Variants in KCNIP4 observed in about 807,000 individuals in gnomAD.
KCNIP4 encodes the protein Kv channel-interacting protein 4.
KCNIP4 carries 12 observed loss-of-function variants against 34.0 expected under a neutral mutation model. The observed-to-expected ratio is 0.35, with a 90% CI of 0.23 to 0.57. KCNIP4 has a LOEUF of 0.57. Ranked by LOEUF, KCNIP4 falls within the 20% of genes least tolerant of loss-of-function variation. The pLI is 0.83. For synonymous variants in KCNIP4, 124 were observed against 102.2 expected, an observed-to-expected ratio of 1.21 and a Z score of -1.29; for missense variants, 238 against 311.7, an observed-to-expected ratio of 0.76 and a Z score of 1.78.
chr4:21,822,906 C>A (rs1012727723), intron 1 of KCNIP4, among the ~76,000 whole-genome samples: 18 of 151,674 alleles, frequency 1.2e-4, no homozygotes, highest in Non-Finnish European at 2.7e-4. Context: ...TTAGTAGAGA[C>A]AGGGGTTTCA....
At chr4:20,943,124 A>AT (rs5856588) in intron 1 of KCNIP4, among the ~76,000 whole-genome samples, 126,840 of 152,084 alleles carry the variant, frequency 0.83, 53,002 homozygotes, top group African/African-American at 0.85. Context: ...CAGGCATTGC[A>AT]TTTTTTTATT....
chr4:20,847,185 T>C (rs1368529310), intron 3 of KCNIP4, among the ~76,000 whole-genome samples: 4 of 152,146 alleles, frequency 2.6e-5, no homozygotes, highest in Admixed American at 2.0e-4. Flanking sequence ...TATATTTATT[T>C]CTTTAAAAAA....
intron 1 of KCNIP4, among the ~76,000 whole-genome samples, chr4:20,930,562 A>G (rs999959996): frequency 2.6e-5 from 4 of 152,096 alleles, no homozygotes; most frequent in Admixed American, 2.6e-4. Context: ...CAATCAACCA[A>G]ATAAAAAGGC....
intron 1 of KCNIP4, among the ~76,000 whole-genome samples, chr4:21,053,430 C>A (rs1367177709): frequency 6.6e-6 from 1 of 152,134 alleles, no homozygotes; most frequent in Non-Finnish European, 1.5e-5. Flanking sequence ...GTAAAAAAAT[C>A]TAGACACTTT....
chr4:21,897,649 A>T (rs1210743304), intron 1 of KCNIP4, among the ~76,000 whole-genome samples: 3 of 152,190 alleles, frequency 2.0e-5, no homozygotes, highest in Non-Finnish European at 4.4e-5. Context: ...TTTAGAATGA[A>T]TAATCTAAAG....
chr4:21,557,421 A>G (rs1739155919), intron 1 of KCNIP4, among the ~76,000 whole-genome samples: 1 of 152,190 alleles, frequency 6.6e-6, no homozygotes, highest in Admixed American at 6.6e-5. Flanking sequence ...TTAGTCTTTG[A>G]CATGGCTATG....
At chr4:20,734,800 A>ACAAC in intron 5 of KCNIP4, 65 bp from the exon 6 acceptor site, 1 of 954,440 alleles carries the variant, frequency 1.0e-6, no homozygotes, top group Non-Finnish European at 1.6e-6. Flanking sequence ...AAAAAAACAA[A>ACAAC]TGATGTAAGT....
At chr4:21,032,490 T>C (rs947015823) in intron 1 of KCNIP4, among the ~76,000 whole-genome samples, 11 of 152,090 alleles carry the variant, frequency 7.2e-5, no homozygotes, top group African/African-American at 2.4e-4. Context: ...AACATTCTTT[T>C]GAGGTTGAAT....
At chr4:21,525,586 T>C (rs1316261916) in intron 1 of KCNIP4, among the ~76,000 whole-genome samples, 1 of 152,006 alleles carries the variant, frequency 6.6e-6, no homozygotes, top group Non-Finnish European at 1.5e-5. Context: ...TTTCCCAGAA[T>C]CTGTAATGAC....
intron 1 of KCNIP4, among the ~76,000 whole-genome samples, chr4:21,760,820 TC>T (rs1717999214): frequency 6.6e-6 from 1 of 152,124 alleles, no homozygotes; most frequent in Admixed American, 6.6e-5. Context: ...TCCACTATTT[TC>T]CATCCACACT....
At chr4:21,738,343 T>C (rs981211143) in intron 1 of KCNIP4, among the ~76,000 whole-genome samples, 3 of 152,090 alleles carry the variant, frequency 2.0e-5, no homozygotes, top group Admixed American at 2.0e-4. Flanking sequence ...GACCTGATCA[T>C]CCATTCAAGG....
Position 21,628,944 on chromosome 4 carries a change from G to A in KCNIP4, c.61+319627C>T, listed in dbSNP as rs188057691. Among the ~76,000 whole-genome samples the A allele has an allele frequency of 8.4e-3, 1,278 of 152,240 alleles. 8 individuals carry two copies. The highest frequency in any genetic ancestry group is 0.014 in the Non-Finnish European group (975 of 68,026). ...AATTATATAAGAATTTCACAAATAT[G>A]TGGTTTTGTGGAAAATCTGAAGTAC... On this transcript the variant is annotated intron_variant, in intron 1 of 8. Coordinates refer to ENST00000382152, the MANE Select transcript of KCNIP4 (RefSeq NM_025221.6).
At chr4:21,225,356 AG>A (rs1758302389) in intron 1 of KCNIP4, among the ~76,000 whole-genome samples, 1 of 152,142 alleles carries the variant, frequency 6.6e-6, no homozygotes, top group African/African-American at 2.4e-5. Flanking sequence ...AGGGGTTTAG[AG>A]ATTGTCTTGT....
intron 3 of KCNIP4, among the ~76,000 whole-genome samples, chr4:20,842,708 G>A (rs1426221381): frequency 6.6e-6 from 1 of 151,820 alleles, no homozygotes; most frequent in South Asian, 2.1e-4. Context: ...GAGGAAGACA[G>A]GACTGTAGGC....
chr4:21,519,472 GTA>G (rs1167657397), intron 1 of KCNIP4, among the ~76,000 whole-genome samples: 1 of 105,180 alleles, frequency 9.5e-6, no homozygotes, highest in African/African-American at 3.9e-5. Flanking sequence ...GTGTGTATGT[GTA>G]TGTGTATATA....
chr4:20,771,631 GAC>G (rs1755889485), intron 3 of KCNIP4, among the ~76,000 whole-genome samples: 1 of 152,048 alleles, frequency 6.6e-6, no homozygotes. Context: ...TCTATCCAAA[GAC>G]ACTTTGAGAA....
intron 1 of KCNIP4, among the ~76,000 whole-genome samples, chr4:21,043,022 C>T (rs1003769121): frequency 6.6e-6 from 1 of 152,186 alleles, no homozygotes; most frequent in African/African-American, 2.4e-5. Context: ...TTGCCAAGTG[C>T]TTTGAAGGCT....
intron 1 of KCNIP4, among the ~76,000 whole-genome samples, chr4:20,925,017 G>T (rs181344407): frequency 2.0e-5 from 3 of 151,020 alleles, no homozygotes; most frequent in Non-Finnish European, 4.4e-5. Flanking sequence ...ATGTTAAAAT[G>T]ATTTGCTAAA....
intron 1 of KCNIP4, among the ~76,000 whole-genome samples, chr4:20,958,160 G>A (rs1733500175): frequency 2.0e-5 from 3 of 152,202 alleles, no homozygotes; most frequent in Admixed American, 6.5e-5. Context: ...TATAGGAAGT[G>A]TTATAGAAAG....
Sources: allele counts gnomAD v4.1 joint callset (sites outside exome capture counted in the v4.1 genomes callset), GRCh38; gene constraint gnomAD v4.1.1; transcripts MANE v1.5; gene names NCBI Gene and HGNC (gene_info 2026-07-23, HGNC 2026-07-21).